Variants in DNAJC10 observed in about 807,000 individuals in gnomAD.
DNAJC10 encodes the protein DnaJ heat shock protein family (Hsp40) member C10.
A neutral mutation model predicts 115.0 loss-of-function variants in DNAJC10; 101 were observed. The ratio of observed to expected loss-of-function variants is 0.88; its 90% CI spans 0.75 to 1.04. DNAJC10 has a LOEUF of 1.04. Among genes scored for constraint, DNAJC10 ranks in the 50% least tolerant of loss-of-function variants. The pLI, the probability that DNAJC10 is intolerant of heterozygous loss-of-function variation, is 0.00. For synonymous variants in DNAJC10, 307 were observed against 301.5 expected, an observed-to-expected ratio of 1.02 and a Z score of -0.19; for missense variants, 981 against 928.8, an observed-to-expected ratio of 1.06 and a Z score of -0.73.
At chr2:182,771,411 C>T (rs1360571437) in intron 22 of DNAJC10, among the ~76,000 whole-genome samples, 13 of 152,128 alleles carry the variant, frequency 8.5e-5, no homozygotes. Flanking sequence ...GGTACCAGCT[C>T]CTCTTTGTAG....
intron 18 of DNAJC10, among the ~76,000 whole-genome samples, chr2:182,756,856 C>G (rs1694170569): frequency 6.6e-6 from 1 of 152,124 alleles, no homozygotes; most frequent in Non-Finnish European, 1.5e-5. Context: ...CCAGGCTGGT[C>G]TTGAACCCCT....
intron 3 of DNAJC10, 108 bp from the exon 4 acceptor site, chr2:182,719,899 A>T (rs1284679157): frequency 4.2e-5 from 23 of 550,024 alleles, no homozygotes; most frequent in Middle Eastern, 5.0e-4. Flanking sequence ...TTATGTTGGT[A>T]TATGGTCTCC....
chr2:182,763,806 A>G (rs747206846), intron 22 of DNAJC10, among the ~76,000 whole-genome samples: 8 of 152,146 alleles, frequency 5.3e-5, no homozygotes, highest in East Asian at 1.9e-4. Context: ...GTAAACTTCT[A>G]TTGTTCTTCC....
intron 10 of DNAJC10, among the ~76,000 whole-genome samples, chr2:182,735,563 T>C (rs1247369228): frequency 1.3e-5 from 2 of 152,064 alleles, no homozygotes; most frequent in Non-Finnish European, 2.9e-5. Context: ...TAGGTTAATA[T>C]CTTTCATCAG....
At chr2:182,735,779 C>G (rs1187680913) in intron 10 of DNAJC10, among the ~76,000 whole-genome samples, 3 of 152,070 alleles carry the variant, frequency 2.0e-5, no homozygotes, top group Non-Finnish European at 4.4e-5. Flanking sequence ...AGCTTAGCCA[C>G]TGTAGATGAA....
intron 14 of DNAJC10, among the ~76,000 whole-genome samples, chr2:182,750,416 G>T (rs911182381): frequency 1.3e-5 from 2 of 152,106 alleles, no homozygotes; most frequent in African/African-American, 4.8e-5. Context: ...TCACTCTGGG[G>T]AATTATATTT....
At chr2:182,744,301 C>A (rs1387844580) in intron 14 of DNAJC10, among the ~76,000 whole-genome samples, 1 of 152,048 alleles carries the variant, frequency 6.6e-6, no homozygotes, top group African/African-American at 2.4e-5. Flanking sequence ...ACAACAGATA[C>A]CGATGAAATG....
At chr2:182,754,777 C>T (rs1033275865) in intron 16 of DNAJC10, 27 of 1,256,648 alleles carry the variant, frequency 2.1e-5, no homozygotes, top group African/African-American at 9.2e-5. Flanking sequence ...GTTCTCATGG[C>T]GAATGGAGCA....
intron 11 of DNAJC10, 145 bp from the exon 12 acceptor site, chr2:182,740,150 GAAAA>G: frequency 8.6e-7 from 1 of 1,156,322 alleles, no homozygotes; most frequent in Non-Finnish European, 1.1e-6. Flanking sequence ...CACTTTTTTT[GAAAA>G]AAGACATTTG....
Position 182,778,136 on chromosome 2 carries a change from TTGG to T in DNAJC10, c.*1005_*1007del, listed in dbSNP as rs1694757819. On this transcript the variant is annotated 3_prime_UTR_variant, in exon 24 of 24. Coordinates refer to ENST00000264065, the MANE Select transcript of DNAJC10 (RefSeq NM_018981.4). The stretch of plus-strand genomic sequence containing the variant: ...TTTTGACCTGTATCCTTTATTTACA[TTGG>T]GTTTTTCTTTCGTAGTTTTGGTTTT... The T allele has an allele frequency of 6.6e-6, 1 of 152,202 alleles. No homozygotes were observed. Among genetic ancestry groups the T allele is most frequent in the Non-Finnish European group, 1.5e-5 (1 of 68,034 alleles). 9.4% of individuals were successfully genotyped at this position (152,202 alleles called of 1,614,324 possible).
At chr2:182,753,943 G>T (rs576464022) in intron 16 of DNAJC10, among the ~76,000 whole-genome samples, 169 of 152,154 alleles carry the variant, frequency 1.1e-3, no homozygotes, top group Non-Finnish European at 2.2e-3. Context: ...TTCAGTGTAA[G>T]GATTTAAAAC....
At chr2:182,730,495 G>C (rs1693415777) in intron 8 of DNAJC10, 1 of 430,632 alleles carries the variant, frequency 2.3e-6, no homozygotes, top group Non-Finnish European at 4.6e-6. Flanking sequence ...GAAAACATTA[G>C]TAAACAATTA....
At chr2:182,727,223 C>A (rs1477060577) in intron 5 of DNAJC10, among the ~76,000 whole-genome samples, 1 of 149,544 alleles carries the variant, frequency 6.7e-6, no homozygotes, top group Non-Finnish European at 1.5e-5. Flanking sequence ...TGCCTGTTAC[C>A]AGGGTAGGAG....
rs199848510 is a variant in DNAJC10, at chr2:182,740,836, TA to T, written c.1078-406del. Among the ~76,000 whole-genome samples the T allele has an allele frequency of 2.1e-3, 316 of 152,234 alleles. 9 individuals carry two copies. In the East Asian group the frequency reaches 0.051, roughly 24 times the overall value. ...AATTGCAGTTTTTGCCATTTGAAAG[TA>T]GTGGCAAAAACCACAGTTACTTTTG... is the stretch of plus-strand genomic sequence containing the variant. On this transcript the variant is annotated intron_variant, in intron 12 of 23. Transcript: ENST00000264065.
chr2:182,752,228 A>G, intron 16 of DNAJC10, 40 bp downstream of exon 16: 1 of 1,112,142 alleles, frequency 9.0e-7, no homozygotes, highest in Middle Eastern at 2.3e-4. Context: ...TTAATTTTAT[A>G]AAATGAAGAC....
rs1694821920 is a variant in DNAJC10 at position 182,780,566 on chromosome 2, A to G, written c.*3434A>G. 6.6e-6 allele frequency: 1 copy of G among 152,182 alleles called. No homozygotes were observed. The highest frequency in any genetic ancestry group is 6.6e-5 in the Admixed American group (1 of 15,262). 9.4% of individuals were successfully genotyped at this position (152,182 alleles called of 1,614,324 possible). On this transcript the variant is annotated 3_prime_UTR_variant, in exon 24 of 24. Transcript: ENST00000264065. ...CCAGGTATTCCTTCATTGCAATGCAAAACAGACTAATACAGTTTCTTTTCA... is the reference window on the plus strand; with the variant it reads ...CCAGGTATTCCTTCATTGCAATGCAGAACAGACTAATACAGTTTCTTTTCA...
chr2:182,718,881 T>A (rs1209832885), intron 3 of DNAJC10, among the ~76,000 whole-genome samples: 1 of 152,154 alleles, frequency 6.6e-6, no homozygotes, highest in East Asian at 1.9e-4. Flanking sequence ...TTGTAATTTA[T>A]TTGATTATTT....
intron 11 of DNAJC10, among the ~76,000 whole-genome samples, chr2:182,737,981 TC>T (rs1693629470): frequency 1.3e-5 from 2 of 152,218 alleles, no homozygotes; most frequent in African/African-American, 4.8e-5. Context: ...TATTTTGTAA[TC>T]TAGTTTTTTC....
chr2:182,720,959 A>G (rs1644128491), intron 4 of DNAJC10, among the ~76,000 whole-genome samples: 1 of 152,084 alleles, frequency 6.6e-6, no homozygotes. Context: ...AAACATTATC[A>G]ATAAAGGTTC....
Sources: gnomAD v4.1 joint callset for allele counts (sites outside exome capture counted in the v4.1 genomes callset) on GRCh38, gnomAD v4.1.1 for gene constraint, MANE v1.5 for transcripts, NCBI Gene and HGNC (gene_info 2026-07-23, HGNC 2026-07-21) for gene names.